The following FHAD1 variants were observed in gnomAD, a reference collection of about 807,000 sequenced individuals.
The protein encoded by FHAD1 is forkhead-associated domain-containing protein 1.
FHAD1 carries 146 observed loss-of-function variants against 191.3 expected under a neutral mutation model. The observed-to-expected ratio is 0.76, with a 90% CI of 0.67 to 0.88. The LOEUF (loss-of-function observed/expected upper bound fraction) is 0.88. Among genes scored for constraint, FHAD1 ranks in the 40% least tolerant of loss-of-function variants. FHAD1 has a pLI of 0.00. For missense variants in FHAD1, 1,635 were observed against 1,785.8 expected (o/e 0.92, Z 1.52); for synonymous variants, 616 against 672.3 (o/e 0.92, Z 1.29).
chr1:15,398,237 A>G lies in FHAD1; in HGVS notation c.*824A>G, dbSNP rs1706584466. 6.8e-6 allele frequency: 1 copy of G among 148,078 alleles called. No individual in the cohort carries two copies. The highest frequency in any genetic ancestry group is 1.5e-5 in the Non-Finnish European group (1 of 67,308). 9.2% of individuals were successfully genotyped at this position (148,078 alleles called of 1,614,324 possible). A position where few individuals can be genotyped will look rare whatever the true frequency, so the allele number is the denominator to read the frequency against. Reference sequence around the variant, plus strand: ...GATTGCAGGGAGCCAAGATCACACAACTGCACTCTAGCCTGAGTGACAGAG... The same window carrying G: ...GATTGCAGGGAGCCAAGATCACACAGCTGCACTCTAGCCTGAGTGACAGAG... On this transcript the variant is annotated 3_prime_UTR_variant, in exon 34 of 34. Coordinates refer to ENST00000688493, the MANE Select transcript of FHAD1 (RefSeq NM_001391957.1).
chr1:15,385,045 A>C (rs1423665861), intron 31 of FHAD1, among the ~76,000 whole-genome samples: 1 of 151,638 alleles, frequency 6.6e-6, no homozygotes, highest in East Asian at 1.9e-4. Flanking sequence ...CTCGGGGTTC[A>C]TCCCCAGGCT....
Position 15,276,024 on chromosome 1 carries a change from G to C in FHAD1, c.300+3495G>C, listed in dbSNP as rs1658238074. 6.6e-6 allele frequency among the ~76,000 whole-genome samples: 1 copy of C among 152,184 alleles called. No homozygotes were observed. The highest frequency in any genetic ancestry group is 1.5e-5 in the Non-Finnish European group (1 of 68,028). ...ATGGGAGGTGGAGGCAGAAGTTAGA[G>C]ACCCAAATGTGTTTGTAGACATCAC... On this transcript the variant is annotated intron_variant, in intron 3 of 33. Transcript: ENST00000688493. This position sits in a 1 kb window ranked among gnomAD's most constrained non-coding sequence, Gnocchi z 4.7.
intron 8 of FHAD1, 99 bp downstream of exon 8, chr1:15,313,286 T>A: frequency 7.5e-7 from 1 of 1,337,524 alleles, no homozygotes; most frequent in Non-Finnish European, 9.8e-7. Flanking sequence ...GGGCCCTTAG[T>A]TTAAATTTCA....
chr1:15,313,224 G>A (rs149382716), intron 8 of FHAD1, 37 bp downstream of exon 8: 37 of 1,543,230 alleles, frequency 2.4e-5, no homozygotes, highest in Middle Eastern at 1.7e-4. Context: ...GTAGCCATCC[G>A]GTGAAAAGCA....
At chr1:15,340,248 G>A (rs116228694) in intron 15 of FHAD1, among the ~76,000 whole-genome samples, 111 of 152,304 alleles carry the variant, frequency 7.3e-4, no homozygotes, top group African/African-American at 2.4e-3. Context: ...TGAGCTTTAC[G>A]GGTTATATCA....
rs1281945956 is a variant in FHAD1 at position 15,381,631 on chromosome 1, G to A, written c.4022+180G>A. Among the ~76,000 whole-genome samples, 1 of 152,086 alleles carries A rather than the reference G, an allele frequency of 6.6e-6. No individual in the cohort carries two copies. Among genetic ancestry groups the A allele is most frequent in the Non-Finnish European group, 1.5e-5 (1 of 68,018 alleles). ...GACTAGGCCTGGTAGAGGGAATTCT[G>A]TCCCCGAGATCACGGCTGCAGAAGT... On this transcript the variant is annotated intron_variant, in intron 30 of 33. Coordinates refer to ENST00000688493, the MANE Select transcript of FHAD1 (RefSeq NM_001391957.1). This position sits in a 1 kb window ranked among gnomAD's most constrained non-coding sequence, Gnocchi z 4.6.
At chr1:15,300,433 A>G (rs1668381239) in intron 5 of FHAD1, among the ~76,000 whole-genome samples, 1 of 152,242 alleles carries the variant, frequency 6.6e-6, no homozygotes, top group African/African-American at 2.4e-5. Context: ...AAGAGAGGAA[A>G]GGGGAAAAGC....
chr1:15,358,961 G>C (rs200458496), intron 21 of FHAD1, among the ~76,000 whole-genome samples: 1 of 152,138 alleles, frequency 6.6e-6, no homozygotes, highest in East Asian at 1.9e-4. Context: ...GGGGAGGCGT[G>C]GGGGGAAGGG....
rs1210299715 is a variant in FHAD1 at position 15,365,955 on chromosome 1, T to A, written c.3154+22T>A. 6 of 1,476,168 alleles carry A rather than the reference T, an allele frequency of 4.1e-6. No individual in the cohort carries two copies. In the East Asian group the frequency reaches 1.5e-4, roughly 36 times the overall value. The allele number at this position is 1,476,168 out of a possible 1,614,324, so 91.4% of individuals were successfully genotyped here. A position where few individuals can be genotyped will look rare whatever the true frequency, so the allele number is the denominator to read the frequency against. On this transcript the variant is annotated intron_variant, in intron 24 of 33. Coordinates refer to ENST00000688493, the MANE Select transcript of FHAD1 (RefSeq NM_001391957.1). ...AGAGGTTTGAACAATTTCTGGTGTC[T>A]CTTGACCTCCTGACCCACTCGAGAA...
In FHAD1 at chr1:15,329,850, G is replaced by A. The variant is rs146648001; in HGVS notation, c.1906+309G>A. On this transcript the variant is annotated intron_variant, in intron 14 of 33. Transcript: ENST00000688493. This position sits in a 1 kb window ranked among gnomAD's most constrained non-coding sequence, Gnocchi z 5.0. ...AAGGCATTTTCCCATGGAAATAACC[G>A]CGTGATTCCAGGCAAGTGACTTACC... 1.6e-4 allele frequency: 55 copies of A among 339,710 alleles called. No individual in the cohort carries two copies. The highest frequency in any genetic ancestry group is 9.5e-4 in the African/African-American group (46 of 48,442). The allele number at this position is 339,710 out of a possible 1,614,324, so 21.0% of individuals were successfully genotyped here. A position where few individuals can be genotyped will look rare whatever the true frequency, so the allele number is the denominator to read the frequency against.
chr1:15,374,681 A>G (rs993280330), intron 27 of FHAD1, 50 bp downstream of exon 27: 1 of 1,543,522 alleles, frequency 6.5e-7, no homozygotes, highest in African/African-American at 1.4e-5. Flanking sequence ...ACTCCGGCTC[A>G]CTTTGGGGAC....
At position 15,272,367 on chromosome 1, in the gene FHAD1, G is replaced by A; in HGVS notation, c.138G>A (p.Glu46=). Residue 46 remains glutamate (E), a synonymous_variant, in exon 3 of 34, where the codon GAG becomes GAA. Transcript: ENST00000688493. The stretch of plus-strand genomic sequence containing the variant: ...ACCATGCACTCATTGAATATAACGA[G>A]GCGGAGTGCAGCTTTGTTCTCCAGG... The part of the protein sequence containing the change: ...DNHHALIEYN[E]AECSFVLQDF... 1 of 1,551,714 alleles carries A rather than the reference G, an allele frequency of 6.4e-7. No individual in the cohort carries two copies. The highest frequency in any genetic ancestry group is 2.4e-5 in the East Asian group (1 of 40,926).
chr1:15,337,340 G>T (rs1214367892), intron 14 of FHAD1, among the ~76,000 whole-genome samples: 1 of 152,112 alleles, frequency 6.6e-6, no homozygotes, highest in African/African-American at 2.4e-5. Context: ...TCTCTCTCCC[G>T]TCTGATGACG....
Position 15,289,807 on chromosome 1 carries a change from A to G in FHAD1, c.568+141A>G. 7.4e-7 allele frequency: 1 copy of G among 1,356,242 alleles called. No individual in the cohort carries two copies. The highest frequency in any genetic ancestry group is 9.8e-7 in the Non-Finnish European group (1 of 1,025,280). The allele number at this position is 1,356,242 out of a possible 1,614,324, so 84.0% of individuals were successfully genotyped here. A position where few individuals can be genotyped will look rare whatever the true frequency, so the allele number is the denominator to read the frequency against. On this transcript the variant is annotated intron_variant, in intron 4 of 33. Transcript: ENST00000688493. The surrounding 1 kb of genome is among the most constrained non-coding windows in gnomAD (Gnocchi z 4.2). Reference sequence around the variant, plus strand: ...GAAAATAAATTCAGGATAAGCAGAAAGTAAGAAAACAGTTAAAAAATCAGC... The same window carrying G: ...GAAAATAAATTCAGGATAAGCAGAAGGTAAGAAAACAGTTAAAAAATCAGC...
In FHAD1 at chr1:15,279,554, C is replaced by CAAAA. The variant is rs57662759; in HGVS notation, c.300+7042_300+7045dup. 8.8e-4 allele frequency among the ~76,000 whole-genome samples: 85 copies of CAAAA among 96,856 alleles called. 2 individuals carry two copies. The highest frequency in any genetic ancestry group is 1.2e-3 in the East Asian group (4 of 3,284). 63.5% of individuals were successfully genotyped at this position (96,856 alleles called of 152,430 possible). A position where few individuals can be genotyped will look rare whatever the true frequency, so the allele number is the denominator to read the frequency against. ...ATTAAACTTTCCGATCCTTAAAACT[C>CAAAA]AAAAAAAAAAAAAAAAAAAAGGAAT... On this transcript the variant is annotated intron_variant, in intron 3 of 33. Coordinates refer to ENST00000688493, the MANE Select transcript of FHAD1 (RefSeq NM_001391957.1).
chr1:15,300,760 T>C (rs1668457777), intron 5 of FHAD1, among the ~76,000 whole-genome samples: 1 of 152,214 alleles, frequency 6.6e-6, no homozygotes, highest in African/African-American at 2.4e-5. Context: ...AGTTGCCAAG[T>C]GACAGAGAGC....
intron 3 of FHAD1, 85 bp downstream of exon 3, chr1:15,272,614 T>G (rs1387719246): frequency 1.2e-5 from 15 of 1,239,004 alleles, no homozygotes; most frequent in Non-Finnish European, 1.6e-5. Flanking sequence ...GTGGCGCTTA[T>G]CCACATTGGT....
intron 32 of FHAD1, among the ~76,000 whole-genome samples, chr1:15,388,923 C>G (rs750932423): frequency 6.6e-5 from 10 of 152,220 alleles, no homozygotes; most frequent in Admixed American, 3.3e-4. Flanking sequence ...GATGTCATCA[C>G]ATCCCACTGA....
At position 15,391,833 on chromosome 1, in the gene FHAD1, A is replaced by G. The variant is rs528473922; in HGVS notation, c.4323+570A>G. Among the ~76,000 whole-genome samples, 101 of 152,330 alleles carry G rather than the reference A, an allele frequency of 6.6e-4. 3 individuals are homozygous for G. The South Asian group carries it at 0.019, about 29-fold the overall frequency. On this transcript the variant is annotated intron_variant, in intron 33 of 33. Coordinates refer to ENST00000688493, the MANE Select transcript of FHAD1 (RefSeq NM_001391957.1). ...GGTGGCTGCTGCTGCTCTGGGTGTT[A>G]GGAGGGTAGAGAGTGTCCCCAGGGT...
Sources: gnomAD v4.1 joint callset for allele counts (sites outside exome capture counted in the v4.1 genomes callset) on GRCh38, gnomAD v4.1.1 for gene constraint, Gnocchi (gnomAD v3.1) non-coding constraint, MANE v1.5 for transcripts, NCBI Gene and HGNC (gene_info 2026-07-23, HGNC 2026-07-21) for gene names.